Variants in GNAQ observed in about 807,000 individuals in gnomAD.
GNAQ encodes the protein guanine nucleotide-binding protein G(q) subunit alpha.
Under a neutral mutation model 43.9 loss-of-function variants are expected in GNAQ, and 8 were observed. The ratio of observed to expected loss-of-function variants is 0.18; its 90% confidence interval spans 0.11 to 0.33. The LOEUF is 0.33. Among genes scored for constraint, GNAQ ranks in the 10% least tolerant of loss-of-function variants. The pLI, the probability that GNAQ is intolerant of heterozygous loss-of-function variation, is 1.00. For missense variants in GNAQ, 158 were observed against 450.8 expected, an observed-to-expected ratio of 0.35 and a Z score of 5.88; for synonymous variants, 155 against 170.7, an observed-to-expected ratio of 0.91 and a Z score of 0.71.
At chr9:77,936,167 C>G (rs976031958) in intron 1 of GNAQ, among the ~76,000 whole-genome samples, 1 of 152,120 alleles carries the variant, frequency 6.6e-6, no homozygotes, top group Non-Finnish European at 1.5e-5. Context: ...GAAGTGAAAC[C>G]AATTTGCCTC....
chr9:77,963,765 C>A (rs1228753349), intron 1 of GNAQ, among the ~76,000 whole-genome samples: 4 of 152,108 alleles, frequency 2.6e-5, no homozygotes, highest in Non-Finnish European at 5.9e-5. Flanking sequence ...AAAGCTTCAC[C>A]ACAACAATGT....
At chr9:77,908,208 C>T (rs1208999156) in intron 2 of GNAQ, among the ~76,000 whole-genome samples, 2 of 152,128 alleles carry the variant, frequency 1.3e-5, no homozygotes, top group African/African-American at 4.8e-5. Flanking sequence ...CCTTACCTTA[C>T]AAACACCCTG....
At chr9:77,760,440 C>T (rs1421611331) in intron 5 of GNAQ, among the ~76,000 whole-genome samples, 1 of 152,104 alleles carries the variant, frequency 6.6e-6, no homozygotes, top group Admixed American at 6.5e-5. Context: ...AGCTCCTAAC[C>T]GCGAGTGATC....
At chr9:78,003,043 A>T (rs1823662715) in intron 1 of GNAQ, among the ~76,000 whole-genome samples, 1 of 152,232 alleles carries the variant, frequency 6.6e-6, no homozygotes. Flanking sequence ...AGAAAAAATG[A>T]AATTTGGAAA....
At chr9:77,876,301 T>G (rs968123710) in intron 2 of GNAQ, among the ~76,000 whole-genome samples, 1 of 152,174 alleles carries the variant, frequency 6.6e-6, no homozygotes, top group East Asian at 1.9e-4. Flanking sequence ...TTTGACCAGC[T>G]GATGGAGAAT....
At chr9:77,802,044 G>A (rs1826751869) in intron 3 of GNAQ, among the ~76,000 whole-genome samples, 1 of 152,102 alleles carries the variant, frequency 6.6e-6, no homozygotes, top group Non-Finnish European at 1.5e-5. Flanking sequence ...ATGCATACCT[G>A]AAATGTCAGC....
intron 1 of GNAQ, among the ~76,000 whole-genome samples, chr9:78,026,805 C>G (rs1411648983): frequency 6.6e-6 from 1 of 152,204 alleles, no homozygotes; most frequent in Non-Finnish European, 1.5e-5. Context: ...AACTGTATAG[C>G]TTTCAGTACA....
At chr9:77,969,971 C>A (rs1472166654) in intron 1 of GNAQ, among the ~76,000 whole-genome samples, 2 of 152,178 alleles carry the variant, frequency 1.3e-5, no homozygotes, top group Non-Finnish European at 1.5e-5. Context: ...GTAATCCCAG[C>A]ACTCTGGGAG....
intron 5 of GNAQ, among the ~76,000 whole-genome samples, chr9:77,734,259 C>A (rs1240685036): frequency 6.6e-6 from 1 of 152,202 alleles, no homozygotes; most frequent in Admixed American, 6.5e-5. Context: ...CCAATAAGAA[C>A]ATATTCTCAC....
At chr9:77,760,417 C>G (rs1027202533) in intron 5 of GNAQ, among the ~76,000 whole-genome samples, 20 of 152,172 alleles carry the variant, frequency 1.3e-4, no homozygotes, top group Non-Finnish European at 2.5e-4. Flanking sequence ...CTGTGTTGGC[C>G]GGGCTGGCCT....
intron 2 of GNAQ, among the ~76,000 whole-genome samples, chr9:77,836,661 CACAA>C (rs1387314040): frequency 6.6e-6 from 1 of 152,018 alleles, no homozygotes; most frequent in East Asian, 1.9e-4. Context: ...AAAACAAAAC[CACAA>C]GATGTTTAAA....
intron 1 of GNAQ, among the ~76,000 whole-genome samples, chr9:78,027,954 T>C (rs1266219850): frequency 1.3e-5 from 2 of 152,124 alleles, no homozygotes. Flanking sequence ...GATAACTATA[T>C]GTAACATGAA....
chr9:77,848,383 C>T (rs1827619768), intron 2 of GNAQ, among the ~76,000 whole-genome samples: 1 of 152,218 alleles, frequency 6.6e-6, no homozygotes, highest in African/African-American at 2.4e-5. Flanking sequence ...TGTCGGAATT[C>T]AAACCACTCT....
chr9:78,018,461 T>C (rs1417788177), intron 1 of GNAQ, among the ~76,000 whole-genome samples: 1 of 152,206 alleles, frequency 6.6e-6, no homozygotes, highest in Non-Finnish European at 1.5e-5. Flanking sequence ...AAACTTGCAT[T>C]ATTTGTAAAA....
intron 2 of GNAQ, among the ~76,000 whole-genome samples, chr9:77,907,301 G>A (rs1215963558): frequency 1.3e-5 from 2 of 152,210 alleles, no homozygotes; most frequent in African/African-American, 4.8e-5. Context: ...ATGGGAAATG[G>A]TCAGAAAATG....
chr9:77,954,841 G>A (rs62573078), intron 1 of GNAQ, among the ~76,000 whole-genome samples: 1 of 152,142 alleles, frequency 6.6e-6, no homozygotes, highest in African/African-American at 2.4e-5. Context: ...AGTCATTCCT[G>A]TGTTAACCAC....
intron 1 of GNAQ, among the ~76,000 whole-genome samples, chr9:78,020,687 C>A (rs1410746809): frequency 2.6e-5 from 4 of 152,176 alleles, no homozygotes; most frequent in Non-Finnish European, 2.9e-5. Flanking sequence ...CTCTCCTTCT[C>A]TCCAGAGCCC....
chr9:77,734,012 G>C (rs1460335311), intron 5 of GNAQ, among the ~76,000 whole-genome samples: 1 of 152,180 alleles, frequency 6.6e-6, no homozygotes, highest in Non-Finnish European at 1.5e-5. Context: ...CTACTGTCTG[G>C]CACAAATCTC....
intron 2 of GNAQ, among the ~76,000 whole-genome samples, chr9:77,860,163 G>A (rs1176330758): frequency 2.0e-5 from 3 of 152,160 alleles, no homozygotes; most frequent in African/African-American, 4.8e-5. Context: ...TAGTAGCATG[G>A]CCCATGACCA....
Sources: allele counts gnomAD v4.1 joint callset (sites outside exome capture counted in the v4.1 genomes callset), GRCh38; gene constraint gnomAD v4.1.1; transcripts MANE v1.5; gene names NCBI Gene and HGNC (gene_info 2026-07-23, HGNC 2026-07-21).